The following NXPE2 variants were observed in gnomAD, a reference collection of about 807,000 sequenced individuals.
NXPE2 encodes the protein NXPE family member 2.
Under a neutral mutation model 34.4 loss-of-function variants are expected in NXPE2, and 34 were observed. The ratio of observed to expected loss-of-function variants is 0.99; its 90% confidence interval spans 0.75 to 1.31. The LOEUF (loss-of-function observed/expected upper bound fraction) is 1.31, where lower values mean the gene tolerates loss of function less well. NXPE2 is among the 40% of genes most tolerant of loss of function. NXPE2 has a pLI of 0.00. For missense variants in NXPE2, 649 were observed against 672.5 expected (o/e 0.97, Z 0.39); for synonymous variants, 235 against 231.3 (o/e 1.02, Z -0.15).
the NXPE2 span, among the ~76,000 whole-genome samples, chr11:114,773,502 G>T: frequency 1.3e-5 from 2 of 151,936 alleles, no homozygotes; most frequent in Non-Finnish European, 2.9e-5. Flanking sequence ...TCTGGGCTTG[G>T]CTTCTCACCC....
the NXPE2 span, among the ~76,000 whole-genome samples, chr11:114,591,032 A>C: frequency 1.3e-5 from 2 of 152,172 alleles, no homozygotes; most frequent in Non-Finnish European, 2.9e-5. Flanking sequence ...GTACAGATCT[A>C]TGAAGCCAGG....
chr11:114,801,396 A>G, the NXPE2 span, among the ~76,000 whole-genome samples: 1 of 152,226 alleles, frequency 6.6e-6, no homozygotes, highest in Non-Finnish European at 1.5e-5. Flanking sequence ...AGTTTCAAGG[A>G]AAGAAGACTT....
At chr11:114,701,043 G>A (rs751933298) in intron 3 of NXPE2, among the ~76,000 whole-genome samples, 26 of 152,040 alleles carry the variant, frequency 1.7e-4, no homozygotes, top group African/African-American at 2.4e-4. Context: ...TCACCCCTAC[G>A]TCACCTTCAC....
chr11:114,583,893 T>C, the NXPE2 span: 2 of 394,148 alleles, frequency 5.1e-6, no homozygotes, highest in Non-Finnish European at 9.9e-6. Flanking sequence ...TTATGGGTTA[T>C]TGGGGCTGGC....
the NXPE2 span, among the ~76,000 whole-genome samples, chr11:114,579,270 C>G: frequency 6.6e-6 from 1 of 152,256 alleles, no homozygotes; most frequent in East Asian, 1.9e-4. Flanking sequence ...GGGGAGGGCA[C>G]CAAGCCAGTC....
chr11:114,580,707 G>A, the NXPE2 span, among the ~76,000 whole-genome samples: 1 of 152,150 alleles, frequency 6.6e-6, no homozygotes, highest in Non-Finnish European at 1.5e-5. Flanking sequence ...TTACCCCTAA[G>A]TTTGTCACAC....
chr11:114,582,206 C>A, the NXPE2 span: 2 of 1,439,486 alleles, frequency 1.4e-6, no homozygotes, highest in South Asian at 3.0e-5. Flanking sequence ...AATTAATACA[C>A]TCACAAGACT....
chr11:114,769,779 CAGGG>C, the NXPE2 span, among the ~76,000 whole-genome samples: 1 of 150,696 alleles, frequency 6.6e-6, no homozygotes, highest in Non-Finnish European at 1.5e-5. Flanking sequence ...CACATGGACA[CAGGG>C]AGGGGAACAT....
At chr11:114,636,934 AT>A in the NXPE2 span, among the ~76,000 whole-genome samples, 543 of 152,240 alleles carry the variant, frequency 3.6e-3, no homozygotes, top group Admixed American at 6.0e-3. Context: ...AAAAATGTAT[AT>A]TCTGTTGATT....
chr11:114,610,754 T>C, the NXPE2 span, among the ~76,000 whole-genome samples: 831 of 152,056 alleles, frequency 5.5e-3, 2 homozygotes, highest in Non-Finnish European at 7.9e-3. Flanking sequence ...GGATAATAAG[T>C]GTTGCCTTGT....
chr11:114,523,368 G>A, the NXPE2 span, among the ~76,000 whole-genome samples: 2,902 of 151,960 alleles, frequency 0.019, 97 homozygotes, highest in African/African-American at 0.067. Flanking sequence ...TTTCTTTGAC[G>A]TTCTATCCTT....
At chr11:114,747,946 G>A in the NXPE2 span, among the ~76,000 whole-genome samples, 1 of 152,102 alleles carries the variant, frequency 6.6e-6, no homozygotes, top group African/African-American at 2.4e-5. Context: ...TGAATTTTGT[G>A]GCCTTTGACC....
the NXPE2 span, among the ~76,000 whole-genome samples, chr11:114,592,562 T>G: frequency 6.6e-6 from 1 of 151,788 alleles, no homozygotes; most frequent in Non-Finnish European, 1.5e-5. Context: ...AGATATTCCA[T>G]GTTAATGGGT....
the NXPE2 span, among the ~76,000 whole-genome samples, chr11:114,744,890 T>C: frequency 2.6e-5 from 4 of 152,192 alleles, no homozygotes; most frequent in Non-Finnish European, 5.9e-5. Context: ...ACAATTACTA[T>C]GAAAGCTGTT....
the NXPE2 span, among the ~76,000 whole-genome samples, chr11:114,626,010 G>A: frequency 2.6e-5 from 4 of 152,326 alleles, no homozygotes; most frequent in South Asian, 4.1e-4. Flanking sequence ...TCCCGCATTT[G>A]GCTCAAAGGG....
chr11:114,811,415 G>C, the NXPE2 span, among the ~76,000 whole-genome samples: 1 of 150,154 alleles, frequency 6.7e-6, no homozygotes, highest in East Asian at 1.9e-4. Context: ...GGTAGGGATA[G>C]GGGGTGTCTC....
At chr11:114,647,345 G>C in the NXPE2 span, among the ~76,000 whole-genome samples, 1 of 152,088 alleles carries the variant, frequency 6.6e-6, no homozygotes, top group Admixed American at 6.6e-5. Context: ...AATTTTGGGT[G>C]TTCCCTTTAC....
chr11:114,671,718 G>C, the NXPE2 span, among the ~76,000 whole-genome samples: 1 of 151,892 alleles, frequency 6.6e-6, no homozygotes, highest in Non-Finnish European at 1.5e-5. Flanking sequence ...AAGTGAAGAG[G>C]AAAAAGAGAA....
chr11:114,507,168 A>T, the NXPE2 span, among the ~76,000 whole-genome samples: 7 of 151,442 alleles, frequency 4.6e-5, no homozygotes, highest in African/African-American at 1.7e-4. Flanking sequence ...CCAAGACTGA[A>T]CCAGGAAAAA....
Sources: allele counts gnomAD v4.1 joint callset (sites outside exome capture counted in the v4.1 genomes callset), GRCh38; gene constraint gnomAD v4.1.1; transcripts MANE v1.5; gene names NCBI Gene and HGNC (gene_info 2026-07-23, HGNC 2026-07-21).